The following ASCC3 variants were observed in gnomAD, a reference collection of about 807,000 sequenced individuals.
ASCC3 encodes the protein activating signal cointegrator 1 complex subunit 3.
In ASCC3, 158 loss-of-function variants were observed where a neutral mutation model predicts 256.3. The observed-to-expected ratio is 0.62, with a 90% CI of 0.54 to 0.70. ASCC3 has a LOEUF of 0.70. Among genes scored for constraint, ASCC3 ranks in the 30% least tolerant of loss-of-function variants. ASCC3 has a pLI of 0.00. For synonymous variants in ASCC3, 948 were observed against 883.4 expected (o/e 1.07, Z -1.30); for missense variants, 2,259 against 2,626.0 (o/e 0.86, Z 3.05).
chr6:100,873,132 T>TAAAATAAATAAATAAA (rs144017505), intron 1 of ASCC3, among the ~76,000 whole-genome samples: 36 of 151,782 alleles, frequency 2.4e-4, no homozygotes, highest in Admixed American at 2.6e-4. Context: ...TTATGGAAAT[T>TAAAATAAATAAATAAA]TAAATAAACA....
chr6:100,821,273 C>T (rs765802941), intron 4 of ASCC3, among the ~76,000 whole-genome samples: 3 of 152,274 alleles, frequency 2.0e-5, no homozygotes, highest in East Asian at 1.9e-4. Context: ...GTCTCAGCCT[C>T]GCAAAGCGCT....
chr6:100,620,176 AG>A (rs1278003191), intron 30 of ASCC3, among the ~76,000 whole-genome samples: 1 of 152,182 alleles, frequency 6.6e-6, no homozygotes, highest in Non-Finnish European at 1.5e-5. Flanking sequence ...ATGGAAACTC[AG>A]GCATTCAACT....
chr6:100,759,423 T>C (rs1395112902), intron 10 of ASCC3, among the ~76,000 whole-genome samples: 2 of 152,214 alleles, frequency 1.3e-5, no homozygotes, highest in African/African-American at 4.8e-5. Context: ...GTATAAGGTA[T>C]ACAGAAGGGG....
chr6:100,833,245 G>A (rs1771707936), intron 4 of ASCC3, among the ~76,000 whole-genome samples: 1 of 152,084 alleles, frequency 6.6e-6, no homozygotes. Flanking sequence ...ATGACATCTG[G>A]AAAAAGAAAA....
rs558055371 is a variant in ASCC3, at chr6:100,816,940, T to TA, written c.802-11061dup. On this transcript the variant is annotated intron_variant, in intron 4 of 41. Transcript: ENST00000369162. Reference sequence around the variant, plus strand: ...GAAATATAAAAAAAGTTTTAAAAATTAAAAAAAAAAGAAATATAGGATTGA... The same window carrying TA: ...GAAATATAAAAAAAGTTTTAAAAATTAAAAAAAAAAAGAAATATAGGATTGA... 2.6e-4 allele frequency among the ~76,000 whole-genome samples: 39 copies of TA among 147,322 alleles called. No homozygotes were observed. The South Asian group carries it at 2.8e-3, about 11-fold the overall frequency.
chr6:100,840,664 C>T (rs576763360), intron 4 of ASCC3, among the ~76,000 whole-genome samples: 169 of 151,916 alleles, frequency 1.1e-3, no homozygotes, highest in African/African-American at 3.9e-3. Flanking sequence ...ATAGATTATT[C>T]TCATTGAAAA....
At chr6:100,730,966 C>CA (rs1779875043) in intron 10 of ASCC3, among the ~76,000 whole-genome samples, 1 of 151,884 alleles carries the variant, frequency 6.6e-6, no homozygotes, top group Admixed American at 6.6e-5. Flanking sequence ...TATTCAAGTA[C>CA]AAAAGTATTC....
At chr6:100,841,561 A>G (rs1413211416) in intron 4 of ASCC3, among the ~76,000 whole-genome samples, 1 of 152,170 alleles carries the variant, frequency 6.6e-6, no homozygotes, top group Admixed American at 6.5e-5. Context: ...GAAGTGTGAC[A>G]TCTTTGAAGA....
chr6:100,665,509 G>A (rs1444848353), intron 14 of ASCC3, among the ~76,000 whole-genome samples: 1 of 151,870 alleles, frequency 6.6e-6, no homozygotes, highest in Admixed American at 6.6e-5. Context: ...CAGATCACGA[G>A]GTCAGGAGAT....
At chr6:100,643,761 T>C (rs567854858) in intron 23 of ASCC3, among the ~76,000 whole-genome samples, 2 of 152,286 alleles carry the variant, frequency 1.3e-5, no homozygotes, top group African/African-American at 2.4e-5. Flanking sequence ...GGGACCACTA[T>C]TGTACTGTTG....
chr6:100,701,572 G>A (rs1778354507), intron 13 of ASCC3, among the ~76,000 whole-genome samples: 1 of 152,106 alleles, frequency 6.6e-6, no homozygotes, highest in South Asian at 2.1e-4. Flanking sequence ...GCATCCCCAT[G>A]CATTAAGCAA....
Position 100,639,176 on chromosome 6 carries a change from A to T in ASCC3, c.3902-355T>A, listed in dbSNP as rs190489217. Among the ~76,000 whole-genome samples the T allele has an allele frequency of 1.0e-3, 158 of 152,358 alleles. 1 individual carries two copies. The highest frequency in any genetic ancestry group is 3.6e-3 in the African/African-American group (148 of 41,598). The stretch of plus-strand genomic sequence containing the variant: ...GTAAAAAAATTAAAACCATTTGCAG[A>T]CTTCAACACTGAAATGATTACTAAC... On this transcript the variant is annotated intron_variant, in intron 24 of 41. Coordinates refer to ENST00000369162, the MANE Select transcript of ASCC3 (RefSeq NM_006828.4).
At chr6:100,774,496 G>A (rs1782091480) in intron 8 of ASCC3, among the ~76,000 whole-genome samples, 1 of 152,096 alleles carries the variant, frequency 6.6e-6, no homozygotes, top group Admixed American at 6.6e-5. Flanking sequence ...CTCCTGAGTA[G>A]CTGATACTAC....
intron 19 of ASCC3, among the ~76,000 whole-genome samples, chr6:100,651,024 T>C (rs1775642499): frequency 6.6e-6 from 1 of 151,834 alleles, no homozygotes; most frequent in African/African-American, 2.4e-5. Flanking sequence ...TGATGAGATT[T>C]CATATTTTAT....
chr6:100,830,970 T>G (rs1408755487), intron 4 of ASCC3, among the ~76,000 whole-genome samples: 3 of 152,214 alleles, frequency 2.0e-5, no homozygotes, highest in African/African-American at 7.2e-5. Flanking sequence ...TTATTCTTAT[T>G]AAAACCAACA....
At position 100,509,117 on chromosome 6, in the gene ASCC3, C is replaced by A. The variant is rs1773632434; in HGVS notation, c.*269G>T. 1 of 435,406 alleles carries A rather than the reference C, an allele frequency of 2.3e-6. No individual in the cohort carries two copies. The allele number at this position is 435,406 out of a possible 1,614,324, so 27.0% of individuals were successfully genotyped here. A position where few individuals can be genotyped will look rare whatever the true frequency, so the allele number is the denominator to read the frequency against. ...GCTCCTAAATATCATCCCAAATATA[C>A]ACAAATTAAAAGATTATTCTAAATG... On this transcript the variant is annotated 3_prime_UTR_variant, in exon 42 of 42. Transcript: ENST00000369162.
At chr6:100,582,688 G>A (rs1049730525) in intron 36 of ASCC3, among the ~76,000 whole-genome samples, 4 of 151,586 alleles carry the variant, frequency 2.6e-5, no homozygotes, top group African/African-American at 9.7e-5. Flanking sequence ...AATGCTTCCA[G>A]TTTTTGCCCA....
chr6:100,769,883 G>A (rs1781838252), intron 8 of ASCC3, among the ~76,000 whole-genome samples: 1 of 151,666 alleles, frequency 6.6e-6, no homozygotes, highest in African/African-American at 2.4e-5. Flanking sequence ...AATTGCCAAA[G>A]CTCACTCAAA....
intron 4 of ASCC3, among the ~76,000 whole-genome samples, chr6:100,834,097 T>C (rs1771761311): frequency 1.3e-5 from 2 of 152,132 alleles, no homozygotes; most frequent in South Asian, 4.1e-4. Flanking sequence ...AAATGTCTTA[T>C]ATATAAAAGA....
Sources: allele counts gnomAD v4.1 joint callset (sites outside exome capture counted in the v4.1 genomes callset), GRCh38; gene constraint gnomAD v4.1.1; transcripts MANE v1.5; gene names NCBI Gene and HGNC (gene_info 2026-07-23, HGNC 2026-07-21).